MAML2: variants seen among roughly 807,000 people sequenced by gnomAD.
MAML2 encodes the protein mastermind-like protein 2.
A neutral mutation model predicts 96.1 loss-of-function variants in MAML2; 22 were observed. The observed-to-expected ratio is 0.23, with a 90% CI of 0.16 to 0.33. The LOEUF (loss-of-function observed/expected upper bound fraction) is 0.33, where lower values mean the gene tolerates loss of function less well. MAML2 is among the 10% of genes least tolerant of loss of function. MAML2 has a pLI of 1.00. For missense variants in MAML2, 1,367 were observed against 1,392.4 expected (o/e 0.98, Z 0.29); for synonymous variants, 561 against 521.3 (o/e 1.08, Z -1.04).
intron 1 of MAML2, among the ~76,000 whole-genome samples, chr11:96,242,598 G>A (rs1862451594): frequency 1.3e-5 from 2 of 152,146 alleles, no homozygotes; most frequent in Admixed American, 1.3e-4. Context: ...CTGAAACAGA[G>A]CATTTCATTT....
chr11:96,123,082 A>C (rs1860377915), intron 1 of MAML2, among the ~76,000 whole-genome samples: 2 of 152,334 alleles, frequency 1.3e-5, no homozygotes, highest in Non-Finnish European at 2.9e-5. Context: ...CAATCAAGGA[A>C]GGAGATCTAA....
chr11:96,106,687 G>T (rs7938643), intron 1 of MAML2, among the ~76,000 whole-genome samples: 2,635 of 152,270 alleles, frequency 0.017, 64 homozygotes, highest in African/African-American at 0.059. Context: ...TATTACTGCT[G>T]TTTATTTCAT....
chr11:96,011,424 T>A (rs1243296928), intron 2 of MAML2, among the ~76,000 whole-genome samples: 2 of 152,168 alleles, frequency 1.3e-5, no homozygotes, highest in African/African-American at 4.8e-5. Context: ...TGTAGCAACA[T>A]GGATGCAGCT....
Position 96,091,917 on chromosome 11 carries a change from T to C in MAML2, c.2114A>G (p.Tyr705Cys). The C allele has an allele frequency of 6.2e-7, 1 of 1,613,584 alleles. No individual in the cohort carries two copies. The highest frequency in any genetic ancestry group is 8.5e-7 in the Non-Finnish European group (1 of 1,179,716). Residue 705 changes from tyrosine to cysteine, a missense_variant, in exon 2 of 5, where the codon TAC becomes TGC. By Grantham distance (194) the Tyr-to-Cys change is radical. Coordinates refer to ENST00000524717, the MANE Select transcript of MAML2 (RefSeq NM_032427.4). ...MQNQPIAGMG[Y>C]QVSQQQRQDQ... The stretch of plus-strand genomic sequence containing the variant: ...CTGTCTCTGTTGTTGGGAGACTTGG[T>C]ATCCCATTCCTGCAATGGGCTGATT...
chr11:96,251,499 T>G (rs1351756697), intron 1 of MAML2, among the ~76,000 whole-genome samples: 1 of 152,216 alleles, frequency 6.6e-6, no homozygotes, highest in African/African-American at 2.4e-5. Context: ...GTAAGTAAAT[T>G]GGAAACTCTG....
chr11:96,129,592 TG>T (rs1490358142), intron 1 of MAML2, among the ~76,000 whole-genome samples: 6 of 152,176 alleles, frequency 3.9e-5, no homozygotes, highest in Middle Eastern at 3.2e-3. Context: ...GACACAACTA[TG>T]GGTAATTTTT....
intron 2 of MAML2, among the ~76,000 whole-genome samples, chr11:96,013,825 A>C (rs1858301944): frequency 6.6e-6 from 1 of 152,124 alleles, no homozygotes; most frequent in South Asian, 2.1e-4. Context: ...ACTTCCACTA[A>C]ATAAAACTTT....
intron 2 of MAML2, among the ~76,000 whole-genome samples, chr11:96,030,478 A>G (rs1276671987): frequency 6.6e-6 from 1 of 152,234 alleles, no homozygotes; most frequent in African/African-American, 2.4e-5. Flanking sequence ...GAATAATAAC[A>G]TTACAAATCC....
At chr11:96,077,286 T>C (rs1474599976) in intron 2 of MAML2, among the ~76,000 whole-genome samples, 4 of 142,700 alleles carry the variant, frequency 2.8e-5, no homozygotes, top group Non-Finnish European at 6.0e-5. Context: ...AGTGGTGCGA[T>C]CTAGGCTCAC....
At chr11:96,312,834 T>G (rs474137) in intron 1 of MAML2, among the ~76,000 whole-genome samples, 6 of 152,072 alleles carry the variant, frequency 3.9e-5, no homozygotes, top group Non-Finnish European at 1.5e-5. Context: ...TATCAGGAAC[T>G]AATTTCAGTT....
chr11:96,229,776 C>A (rs931560495), intron 1 of MAML2, among the ~76,000 whole-genome samples: 1 of 151,958 alleles, frequency 6.6e-6, no homozygotes, highest in Non-Finnish European at 1.5e-5. Context: ...AAATTGTAGA[C>A]TCTTTGGGCT....
chr11:96,190,308 T>G (rs1409736163), intron 1 of MAML2, among the ~76,000 whole-genome samples: 20 of 152,192 alleles, frequency 1.3e-4, no homozygotes, highest in Non-Finnish European at 2.9e-5. Context: ...GGGGATCTGT[T>G]CATGAGAAAG....
At chr11:96,196,796 C>A (rs530342068) in intron 1 of MAML2, among the ~76,000 whole-genome samples, 115 of 151,374 alleles carry the variant, frequency 7.6e-4, no homozygotes, top group African/African-American at 2.6e-3. Flanking sequence ...AATTCATAGT[C>A]TTTTCTGTTT....
chr11:96,343,125 G>C lies in MAML2; in HGVS notation c.-1230C>G, dbSNP rs11021542. The C allele has an allele frequency of 0.7, 277,784 of 398,208 alleles. 97,322 individuals are homozygous for C. The highest frequency in any genetic ancestry group is 0.79 in the African/African-American group (38,611 of 48,608). 24.7% of individuals were successfully genotyped at this position (398,208 alleles called of 1,614,324 possible). A position where few individuals can be genotyped will look rare whatever the true frequency, so the allele number is the denominator to read the frequency against. On this transcript the variant is annotated 5_prime_UTR_variant, in exon 1 of 5. Coordinates refer to ENST00000524717, the MANE Select transcript of MAML2 (RefSeq NM_032427.4). ...TTAGCCGCTTTGCTGACACTGGCTC[G>C]CGCCCGGAGTCACGGCGATACACAG...
At chr11:96,274,077 C>CTTTTTTTT (rs992096555) in intron 1 of MAML2, among the ~76,000 whole-genome samples, 9 of 91,790 alleles carry the variant, frequency 9.8e-5, no homozygotes, top group South Asian at 3.7e-4. Context: ...TTTCCTTTTC[C>CTTTTTTTT]TTTTTTTTTT....
chr11:96,029,108 G>A (rs61902468), intron 2 of MAML2, among the ~76,000 whole-genome samples: 32,868 of 151,062 alleles, frequency 0.22, 4,040 homozygotes, highest in East Asian at 0.38. Context: ...CAACCCAAAG[G>A]TGCCTGTCTG....
chr11:96,341,714 C>A lies in MAML2; in HGVS notation c.182G>T (p.Gly61Val), dbSNP rs747767344. Residue 61 changes from glycine (G) to valine (V), a missense_variant, in exon 1 of 5, where the codon GGT becomes GTT. By Grantham distance (109) the Gly-to-Val change is moderately radical. Coordinates refer to ENST00000524717, the MANE Select transcript of MAML2 (RefSeq NM_032427.4). ...TTCCCGGTCTGAGCTCTCGGCCCTACCTCGTTCATATCGTCCTTCACAGCT... is the reference window on the plus strand; with the variant it reads ...TTCCCGGTCTGAGCTCTCGGCCCTAACTCGTTCATATCGTCCTTCACAGCT... Reference protein sequence around the residue: ...HLSCEGRYERGRAESSDRERE... With the variant: ...HLSCEGRYERVRAESSDRERE... 15 of 1,612,196 alleles carry A rather than the reference C, an allele frequency of 9.3e-6. No individual in the cohort carries two copies. In the East Asian group the frequency reaches 2.9e-4, roughly 31 times the overall value.
intron 1 of MAML2, among the ~76,000 whole-genome samples, chr11:96,335,398 G>A (rs982569447): frequency 1.3e-5 from 2 of 152,206 alleles, no homozygotes; most frequent in Admixed American, 6.5e-5. Context: ...TTTCTTGTTT[G>A]CACTGGAAGG....
At chr11:96,280,872 A>G (rs921215941) in intron 1 of MAML2, among the ~76,000 whole-genome samples, 2 of 152,220 alleles carry the variant, frequency 1.3e-5, no homozygotes, top group Non-Finnish European at 2.9e-5. Context: ...ATTTTAAGCT[A>G]TAAGCTCCCA....
Sources: allele counts gnomAD v4.1 joint callset (sites outside exome capture counted in the v4.1 genomes callset), GRCh38; gene constraint gnomAD v4.1.1; transcripts MANE v1.5; gene names NCBI Gene and HGNC (gene_info 2026-07-23, HGNC 2026-07-21).